Variants in AMZ1 observed in about 807,000 individuals in gnomAD.
The protein encoded by AMZ1 is archaemetzincin-1.
AMZ1 carries 39 observed loss-of-function variants against 29.9 expected under a neutral mutation model. The observed-to-expected ratio is 1.30, with a 90% CI of 1.01 to 1.70. AMZ1 has a LOEUF of 1.70. Ranked by LOEUF, AMZ1 falls within the 40% of genes most tolerant of loss-of-function variation. The probability of loss-of-function intolerance (pLI) is 0.00; values close to 1 mark genes in which losing one functional copy is unlikely to be tolerated. For missense variants in AMZ1, 1,041 were observed against 680.6 expected (o/e 1.53, Z -5.89); for synonymous variants, 458 against 304.0 (o/e 1.51, Z -5.27).
chr7:2,695,791 A>C (rs1047826408), intron 1 of AMZ1, among the ~76,000 whole-genome samples: 4 of 152,254 alleles, frequency 2.6e-5, no homozygotes, highest in African/African-American at 9.6e-5. Context: ...CAGGTAGATC[A>C]CATGAGGTCA....
chr7:2,708,964 A>C, intron 4 of AMZ1, 111 bp from the exon 5 acceptor site: 4 of 1,346,076 alleles, frequency 3.0e-6, no homozygotes, highest in Non-Finnish European at 4.0e-6. Context: ...CAGGACTGGT[A>C]TGTCTTTGGG....
downstream of AMZ1, among the ~76,000 whole-genome samples, chr7:2,724,101 G>T (rs999895598): frequency 6.7e-6 from 1 of 148,256 alleles, no homozygotes; most frequent in East Asian, 2.0e-4. Context: ...GAGATGGGGA[G>T]TGGGGGGGCG....
chr7:2,747,047 A>AG (rs1273862185), intron 4 of AMZ1, among the ~76,000 whole-genome samples: 1 of 152,206 alleles, frequency 6.6e-6, no homozygotes, highest in Non-Finnish European at 1.5e-5. Context: ...AACCAAAAAA[A>AG]GTCCAGGAGC....
chr7:2,679,953 G>A (rs1399767554), intron 1 of AMZ1, among the ~76,000 whole-genome samples: 4 of 152,330 alleles, frequency 2.6e-5, no homozygotes, highest in Middle Eastern at 3.4e-3. Context: ...GAGGGACCCC[G>A]GAGGTAGGAA....
At chr7:2,683,245 G>T (rs891558043), upstream of AMZ1, among the ~76,000 whole-genome samples, 7 of 152,148 alleles carry the variant, frequency 4.6e-5, no homozygotes, top group African/African-American at 1.7e-4. Context: ...AATTCTGGAG[G>T]GCAGTGGTCT....
intron 2 of AMZ1, chr7:2,702,399 G>C: frequency 3.1e-6 from 1 of 327,336 alleles, no homozygotes. Flanking sequence ...TGTGCTGCCT[G>C]CTCAGCTGCA....
At chr7:2,745,107 C>T (rs963377278) in intron 4 of AMZ1, among the ~76,000 whole-genome samples, 8 of 152,170 alleles carry the variant, frequency 5.3e-5, no homozygotes, top group African/African-American at 1.9e-4. Flanking sequence ...AGGATATTAT[C>T]CAGGAAAACT....
chr7:2,709,292 C>CT (rs1268129247), intron 5 of AMZ1, 48 bp downstream of exon 5: 1 of 1,464,088 alleles, frequency 6.8e-7, no homozygotes, highest in Admixed American at 2.7e-5. Context: ...AGGGTGCTGT[C>CT]TGAGCCCTTG....
At chr7:2,696,257 A>AATT (rs1554246534) in intron 1 of AMZ1, among the ~76,000 whole-genome samples, 1 of 122,056 alleles carries the variant, frequency 8.2e-6, no homozygotes, top group African/African-American at 3.1e-5. Context: ...CTTGATAGTC[A>AATT]TTTTTTTTTT....
intron 4 of AMZ1, among the ~76,000 whole-genome samples, chr7:2,754,745 C>T (rs1008755773): frequency 2.6e-5 from 4 of 152,102 alleles, no homozygotes; most frequent in African/African-American, 9.7e-5. Flanking sequence ...TGAGACCCTG[C>T]CTCAAAAGGA....
intron 1 of AMZ1, among the ~76,000 whole-genome samples, chr7:2,680,760 C>T (rs1010756733): frequency 1.3e-5 from 2 of 152,240 alleles, no homozygotes; most frequent in Non-Finnish European, 2.9e-5. Context: ...GCCTGCCCAG[C>T]GCAGCCCATG....
intron 4 of AMZ1, among the ~76,000 whole-genome samples, chr7:2,725,584 C>T (rs1003318452): frequency 1.2e-4 from 19 of 152,232 alleles, no homozygotes; most frequent in Non-Finnish European, 1.5e-4. Context: ...AGACTTTCCT[C>T]CAGAGAGCGT....
intron 4 of AMZ1, among the ~76,000 whole-genome samples, chr7:2,727,852 T>TA (rs1789685933): frequency 6.6e-6 from 1 of 151,288 alleles, no homozygotes; most frequent in African/African-American, 2.4e-5. Flanking sequence ...GGTCAGGAGA[T>TA]AGAGACCACC....
At position 2,716,258 on chromosome 7, in the gene AMZ1, G is replaced by C. The variant is rs1460579690; in HGVS notation, c.*3380G>C. On this transcript the variant is annotated 3_prime_UTR_variant, in exon 7 of 7. Transcript: ENST00000683327. ...GGCAAATCTCTCTTCAGGCAGCCCC[G>C]CAGTCCTCTTCCGAAATCTCATTCT... 1 of 152,194 alleles carries C rather than the reference G, an allele frequency of 6.6e-6. No homozygotes were observed. Among genetic ancestry groups the C allele is most frequent in the African/African-American group, 2.4e-5 (1 of 41,428 alleles). The allele number at this position is 152,194 out of a possible 1,614,324, so 9.4% of individuals were successfully genotyped here. A position where few individuals can be genotyped will look rare whatever the true frequency, so the allele number is the denominator to read the frequency against.
At chr7:2,746,924 A>G (rs1162979305) in intron 4 of AMZ1, among the ~76,000 whole-genome samples, 6 of 152,268 alleles carry the variant, frequency 3.9e-5, no homozygotes, top group African/African-American at 1.2e-4. Context: ...TCTAGAAGAA[A>G]TGGATAAATT....
chr7:2,694,220 A>T (rs1254043648), intron 1 of AMZ1, among the ~76,000 whole-genome samples: 5 of 152,166 alleles, frequency 3.3e-5, no homozygotes, highest in East Asian at 3.8e-4. Context: ...CCTGAATAGA[A>T]CAGACGGCAG....
chr7:2,699,406 C>A (rs1375852488), intron 1 of AMZ1, among the ~76,000 whole-genome samples: 2 of 152,198 alleles, frequency 1.3e-5, no homozygotes, highest in African/African-American at 4.8e-5. Context: ...TGTTGCTTCT[C>A]CACTTCTCCC....
chr7:2,741,000 G>A (rs1039754676), intron 4 of AMZ1, among the ~76,000 whole-genome samples: 8 of 152,178 alleles, frequency 5.3e-5, no homozygotes, highest in Admixed American at 3.9e-4. Context: ...AGCTGAGATC[G>A]GGCCACTGCA....
intron 1 of AMZ1, among the ~76,000 whole-genome samples, chr7:2,681,135 G>A (rs1786868083): frequency 6.6e-6 from 1 of 152,226 alleles, no homozygotes; most frequent in African/African-American, 2.4e-5. Context: ...GCGGGGCCAT[G>A]GCTGAGCTCG....
Sources: allele counts gnomAD v4.1 joint callset (sites outside exome capture counted in the v4.1 genomes callset), GRCh38; gene constraint gnomAD v4.1.1; transcripts MANE v1.5; gene names NCBI Gene and HGNC (gene_info 2026-07-23, HGNC 2026-07-21).